MXI1: variants seen among roughly 807,000 people sequenced by gnomAD.
MXI1 encodes the protein max-interacting protein 1.
MXI1 carries 18 observed loss-of-function variants against 36.9 expected under a neutral mutation model. That is an observed-to-expected ratio of 0.49 (90% CI 0.34 to 0.72). The LOEUF (loss-of-function observed/expected upper bound fraction) is 0.72. Among genes scored for constraint, MXI1 ranks in the 30% least tolerant of loss-of-function variants. The pLI is 0.01. For missense variants in MXI1, 304 were observed against 379.1 expected (o/e 0.80, Z 1.64); for synonymous variants, 160 against 146.7 (o/e 1.09, Z -0.65).
At chr10:110,263,974 C>T (rs898623859) in intron 3 of MXI1, among the ~76,000 whole-genome samples, 1 of 152,152 alleles carries the variant, frequency 6.6e-6, no homozygotes, top group Non-Finnish European at 1.5e-5. Flanking sequence ...GAAAATATCT[C>T]AGGATGTTCT....
intron 3 of MXI1, among the ~76,000 whole-genome samples, chr10:110,274,320 C>T (rs1856957223): frequency 6.6e-6 from 1 of 152,122 alleles, no homozygotes; most frequent in South Asian, 2.1e-4. Flanking sequence ...TACCTTTTCC[C>T]CTGGGCAAAA....
intron 2 of MXI1, among the ~76,000 whole-genome samples, chr10:110,240,271 A>G (rs576342625): frequency 6.6e-6 from 1 of 152,182 alleles, no homozygotes; most frequent in East Asian, 1.9e-4. Flanking sequence ...TTGGCTTGGT[A>G]TATGCCTGTA....
At chr10:110,210,052 CCCGCCGCCCTGG>C (rs1854472102) in intron 1 of MXI1, among the ~76,000 whole-genome samples, 1 of 144,488 alleles carries the variant, frequency 6.9e-6, no homozygotes, top group Non-Finnish European at 1.5e-5. Flanking sequence ...CACCCCCCAC[CCCGCCGCCCTGG>C]CCGCCGCCAC....
intron 1 of MXI1, among the ~76,000 whole-genome samples, chr10:110,219,054 C>T (rs528478070): frequency 3.9e-5 from 6 of 152,328 alleles, no homozygotes; most frequent in Admixed American, 1.3e-4. Context: ...AATCCCAGCA[C>T]TTTGGGAGGC....
At chr10:110,245,420 T>G (rs749543904) in intron 3 of MXI1, among the ~76,000 whole-genome samples, 4 of 152,124 alleles carry the variant, frequency 2.6e-5, no homozygotes, top group Non-Finnish European at 4.4e-5. Context: ...CTATATAATG[T>G]GGTAAGTATG....
At chr10:110,234,357 T>TACATCAGCA (rs1855382433) in intron 2 of MXI1, among the ~76,000 whole-genome samples, 1 of 152,198 alleles carries the variant, frequency 6.6e-6, no homozygotes, top group Non-Finnish European at 1.5e-5. Flanking sequence ...TTTAGTGTGA[T>TACATCAGCA]TGTATAGTGC....
intron 3 of MXI1, among the ~76,000 whole-genome samples, chr10:110,260,129 C>CTTGGGAGATATGTAATGCA (rs796670684): frequency 3.9e-5 from 6 of 152,136 alleles, no homozygotes; most frequent in African/African-American, 1.4e-4. Context: ...ACAGATGGCC[C>CTTGGGAGATATGTAATGCA]TTGGGAGATA....
At chr10:110,239,966 C>G (rs1187438461) in intron 2 of MXI1, among the ~76,000 whole-genome samples, 1 of 150,898 alleles carries the variant, frequency 6.6e-6, no homozygotes, top group Non-Finnish European at 1.5e-5. Context: ...CTTTTTATGC[C>G]ATAATTTAGT....
intron 2 of MXI1, among the ~76,000 whole-genome samples, chr10:110,232,072 T>TGCCTCA (rs1855290054): frequency 6.6e-6 from 1 of 152,146 alleles, no homozygotes; most frequent in Non-Finnish European, 1.5e-5. Context: ...GCCATTCTCC[T>TGCCTCA]GCCTCAGCCT....
intron 1 of MXI1, among the ~76,000 whole-genome samples, chr10:110,209,756 G>T (rs1854461151): frequency 6.6e-6 from 1 of 152,006 alleles, no homozygotes; most frequent in Admixed American, 6.5e-5. Context: ...ACGTGGTTTT[G>T]TTTGGTGTGT....
chr10:110,279,401 T>C (rs1857154474), intron 4 of MXI1, 107 bp downstream of exon 4: 1 of 882,050 alleles, frequency 1.1e-6, no homozygotes, highest in Admixed American at 2.2e-5. Flanking sequence ...CCCTCCTTAA[T>C]AACTGACCTC....
intron 2 of MXI1, among the ~76,000 whole-genome samples, chr10:110,244,603 C>T (rs1467940204): frequency 1.3e-5 from 2 of 151,774 alleles, no homozygotes; most frequent in Non-Finnish European, 2.9e-5. Flanking sequence ...CAATGAAACT[C>T]CAGTTTCAGA....
intron 5 of MXI1, among the ~76,000 whole-genome samples, chr10:110,281,822 G>A (rs1385458880): frequency 2.0e-5 from 3 of 152,118 alleles, no homozygotes; most frequent in Non-Finnish European, 2.9e-5. Flanking sequence ...TTCCTGTTAT[G>A]TCAGTATTGT....
chr10:110,228,157 C>A, intron 1 of MXI1, 32 bp from the exon 2 acceptor site: 1 of 1,612,080 alleles, frequency 6.2e-7, no homozygotes, highest in Non-Finnish European at 8.5e-7. Flanking sequence ...CTATATTCTT[C>A]TTACCGTATC....
chr10:110,230,851 C>A (rs1855231870), intron 2 of MXI1, among the ~76,000 whole-genome samples: 1 of 152,192 alleles, frequency 6.6e-6, no homozygotes, highest in South Asian at 2.1e-4. Context: ...TCATCTGAAA[C>A]AAGGAAAGGA....
At chr10:110,261,056 G>A in intron 3 of MXI1, 2 of 984,964 alleles carry the variant, frequency 2.0e-6, no homozygotes, top group Non-Finnish European at 2.4e-6. Context: ...CAGGAGGAAA[G>A]AGCACACTGC....
intron 1 of MXI1, chr10:110,227,883 G>A (rs1855116548): frequency 2.7e-6 from 1 of 364,522 alleles, no homozygotes; most frequent in Non-Finnish European, 5.1e-6. Flanking sequence ...GAGGTGAATG[G>A]TAACTGGTCA....
chr10:110,235,564 T>C (rs1413147101), intron 2 of MXI1, among the ~76,000 whole-genome samples: 1 of 146,770 alleles, frequency 6.8e-6, no homozygotes, highest in Non-Finnish European at 1.5e-5. Context: ...GGCGGGTGCC[T>C]GTAGTCCCAG....
At chr10:110,246,612 A>G (rs1855872719) in intron 3 of MXI1, among the ~76,000 whole-genome samples, 1 of 152,190 alleles carries the variant, frequency 6.6e-6, no homozygotes, top group Admixed American at 6.5e-5. Context: ...ATTTCTGCCA[A>G]ATGACTATGC....
Sources: gnomAD v4.1 joint callset for allele counts (sites outside exome capture counted in the v4.1 genomes callset) on GRCh38, gnomAD v4.1.1 for gene constraint, MANE v1.5 for transcripts, NCBI Gene and HGNC (gene_info 2026-07-23, HGNC 2026-07-21) for gene names.